The following GABRG3 variants were observed in gnomAD, a reference collection of about 807,000 sequenced individuals.
The protein encoded by GABRG3 is gamma-aminobutyric acid type A receptor subunit gamma3.
A neutral mutation model predicts 48.8 loss-of-function variants in GABRG3; 25 were observed. The ratio of observed to expected loss-of-function variants is 0.51; its 90% confidence interval spans 0.37 to 0.72. The LOEUF is 0.72. Ranked by LOEUF, GABRG3 falls within the 30% of genes least tolerant of loss-of-function variation. The probability of loss-of-function intolerance (pLI) is 0.00; values close to 1 mark genes in which losing one functional copy is unlikely to be tolerated. For missense variants in GABRG3, 394 were observed against 577.9 expected, an observed-to-expected ratio of 0.68 and a Z score of 3.26; for synonymous variants, 227 against 217.6, an observed-to-expected ratio of 1.04 and a Z score of -0.38.
intron 5 of GABRG3, among the ~76,000 whole-genome samples, chr15:27,384,505 A>G (rs116165748): frequency 0.012 from 1,804 of 152,304 alleles, 40 homozygotes; most frequent in African/African-American, 0.041. Flanking sequence ...GCACACACAC[A>G]CAAGTGCTTG....
intron 3 of GABRG3, among the ~76,000 whole-genome samples, chr15:27,051,096 A>G (rs1234006587): frequency 6.6e-6 from 1 of 152,252 alleles, no homozygotes; most frequent in African/African-American, 2.4e-5. Context: ...CTTTGTATTT[A>G]TTAGATGACC....
At chr15:27,065,468 C>T (rs575460759) in intron 3 of GABRG3, among the ~76,000 whole-genome samples, 24 of 152,218 alleles carry the variant, frequency 1.6e-4, no homozygotes, top group African/African-American at 5.5e-4. Flanking sequence ...GACACAGCAG[C>T]CCAATTTCTC....
chr15:27,052,066 C>A (rs1333490352), intron 3 of GABRG3, among the ~76,000 whole-genome samples: 1 of 152,218 alleles, frequency 6.6e-6, no homozygotes, highest in East Asian at 1.9e-4. Context: ...TGCTCGCCCG[C>A]CTCTCACCTC....
chr15:27,099,039 A>G (rs968149496), intron 3 of GABRG3, among the ~76,000 whole-genome samples: 15 of 152,230 alleles, frequency 9.9e-5, no homozygotes, highest in African/African-American at 3.6e-4. Flanking sequence ...CTTGAATTAC[A>G]GCAAAACAGG....
At chr15:27,456,199 C>T (rs2150833260) in intron 5 of GABRG3, among the ~76,000 whole-genome samples, 1 of 152,318 alleles carries the variant, frequency 6.6e-6, no homozygotes, top group Non-Finnish European at 1.5e-5. Context: ...TGGGCCTGGG[C>T]TGTCACATCT....
chr15:27,325,375 G>T (rs989912588), intron 3 of GABRG3, among the ~76,000 whole-genome samples: 4 of 152,120 alleles, frequency 2.6e-5, no homozygotes, highest in Admixed American at 6.5e-5. Flanking sequence ...TGCTACATGT[G>T]ACCTGCCATG....
intron 2 of GABRG3, among the ~76,000 whole-genome samples, chr15:27,023,957 G>A (rs1265436735): frequency 6.6e-6 from 1 of 152,060 alleles, no homozygotes; most frequent in Non-Finnish European, 1.5e-5. Flanking sequence ...ATCCAGGCTG[G>A]CACTTGTTAT....
At chr15:27,313,949 A>G (rs2140509516) in intron 3 of GABRG3, among the ~76,000 whole-genome samples, 1 of 152,174 alleles carries the variant, frequency 6.6e-6, no homozygotes, top group South Asian at 2.1e-4. Context: ...CAAAACTAGT[A>G]GAAGGAAGGA....
chr15:27,364,285 A>G (rs1895118561), intron 5 of GABRG3: 1 of 152,404 alleles, frequency 6.6e-6, no homozygotes, highest in South Asian at 2.1e-4. Context: ...TGCAGCAGTC[A>G]CATGGCCACA....
chr15:27,279,465 T>G (rs1013124113), intron 3 of GABRG3, among the ~76,000 whole-genome samples: 1 of 145,678 alleles, frequency 6.9e-6, no homozygotes, highest in Non-Finnish European at 1.5e-5. Flanking sequence ...AGTTTTAGGT[T>G]CATTTTTTTC....
intron 5 of GABRG3, among the ~76,000 whole-genome samples, chr15:27,332,174 G>T (rs1893823697): frequency 6.6e-6 from 1 of 152,170 alleles, no homozygotes; most frequent in South Asian, 2.1e-4. Context: ...TCCACATGAT[G>T]GGTGTCCATT....
At chr15:27,006,774 G>A (rs1160523515) in intron 2 of GABRG3, among the ~76,000 whole-genome samples, 1 of 151,978 alleles carries the variant, frequency 6.6e-6, no homozygotes, top group Non-Finnish European at 1.5e-5. Flanking sequence ...TTCTGTTCCT[G>A]CATTAGTTCA....
intron 3 of GABRG3, among the ~76,000 whole-genome samples, chr15:27,123,275 ATGTC>A (rs1897762525): frequency 1.3e-5 from 2 of 152,270 alleles, no homozygotes; most frequent in South Asian, 4.1e-4. Flanking sequence ...TATGGTCTGA[ATGTC>A]TGTGTCCCTG....
At chr15:27,392,010 C>CTTT (rs2140577329) in intron 5 of GABRG3, among the ~76,000 whole-genome samples, 1 of 152,302 alleles carries the variant, frequency 6.6e-6, no homozygotes, top group African/African-American at 2.4e-5. Flanking sequence ...TTTGCTGTGA[C>CTTT]ATATACCACT....
At chr15:27,452,845 A>G (rs959651286) in intron 5 of GABRG3, among the ~76,000 whole-genome samples, 1 of 152,234 alleles carries the variant, frequency 6.6e-6, no homozygotes, top group African/African-American at 2.4e-5. Context: ...CTGCAATTCC[A>G]TGTTAATTGC....
Position 26,976,500 on chromosome 15 carries a change from T to C in GABRG3, c.54-502T>C, listed in dbSNP as rs1413959604. 1.3e-5 allele frequency among the ~76,000 whole-genome samples: 2 copies of C among 151,832 alleles called. No homozygotes were observed. Among genetic ancestry groups the C allele is most frequent in the African/African-American group, 2.4e-5 (1 of 41,318 alleles). ...GTGCCTAGACCCCCAGATTCCCGCC[T>C]CCAAGAGAAGCACTGAGTCAGACTC... On this transcript the variant is annotated intron_variant, in intron 1 of 9. Coordinates refer to ENST00000615808, the MANE Select transcript of GABRG3 (RefSeq NM_033223.5). This position sits in a 1 kb window ranked among gnomAD's most constrained non-coding sequence, Gnocchi z 7.8.
intron 5 of GABRG3, among the ~76,000 whole-genome samples, chr15:27,418,022 A>G (rs750389945): frequency 1.3e-4 from 20 of 152,216 alleles, no homozygotes; most frequent in Non-Finnish European, 2.6e-4. Context: ...GCAGAGGCTC[A>G]GGAGATGTGC....
At chr15:27,501,223 T>C (rs1181236864) in intron 6 of GABRG3, among the ~76,000 whole-genome samples, 1 of 152,172 alleles carries the variant, frequency 6.6e-6, no homozygotes, top group African/African-American at 2.4e-5. Context: ...AGTGCTAGGA[T>C]TACAGGCGTG....
intron 3 of GABRG3, among the ~76,000 whole-genome samples, chr15:27,028,710 G>A (rs1256953241): frequency 6.6e-6 from 1 of 151,102 alleles, no homozygotes; most frequent in African/African-American, 2.4e-5. Context: ...AGAGGCTGAG[G>A]CAGAAGAATC....
Sources: gnomAD v4.1 joint callset for allele counts (sites outside exome capture counted in the v4.1 genomes callset) on GRCh38, gnomAD v4.1.1 for gene constraint, Gnocchi (gnomAD v3.1) non-coding constraint, MANE v1.5 for transcripts, NCBI Gene and HGNC (gene_info 2026-07-23, HGNC 2026-07-21) for gene names.